Variants in HTR4 observed in about 807,000 individuals in gnomAD.
HTR4 encodes 5-hydroxytryptamine (serotonin) receptor 4, G protein-coupled.
A neutral mutation model predicts 36.8 loss-of-function variants in HTR4; 16 were observed. The ratio of observed to expected loss-of-function variants is 0.43; its 90% CI spans 0.29 to 0.66. The LOEUF is 0.66. Among genes scored for constraint, HTR4 ranks in the 30% least tolerant of loss-of-function variants. HTR4 has a pLI of 0.13. For missense variants in HTR4, 438 were observed against 490.9 expected (o/e 0.89, Z 1.02); for synonymous variants, 189 against 185.1 (o/e 1.02, Z -0.17).
At chr5:148,543,551 A>G (rs891962) in intron 4 of HTR4, among the ~76,000 whole-genome samples, 80,601 of 152,014 alleles carry the variant, frequency 0.53, 23,392 homozygotes, top group African/African-American at 0.78. Context: ...TATTCAAATA[A>G]GTCTGCTTAT....
intron 2 of HTR4, among the ~76,000 whole-genome samples, chr5:148,571,210 T>G (rs951630130): frequency 6.6e-6 from 1 of 152,138 alleles, no homozygotes; most frequent in Non-Finnish European, 1.5e-5. Flanking sequence ...AAAAGAATCT[T>G]GCATGGTAAT....
At chr5:148,638,322 C>G (rs1753617713) in intron 1 of HTR4, among the ~76,000 whole-genome samples, 1 of 152,192 alleles carries the variant, frequency 6.6e-6, no homozygotes, top group Non-Finnish European at 1.5e-5. Context: ...TAGCTCTGTC[C>G]ACATCTGTCT....
intron 2 of HTR4, among the ~76,000 whole-genome samples, chr5:148,580,613 A>T (rs7707038): frequency 0.24 from 36,494 of 152,030 alleles, 5,763 homozygotes; most frequent in African/African-American, 0.45. Flanking sequence ...TTAAAACGAA[A>T]CATACAATAT....
intron 5 of HTR4, among the ~76,000 whole-genome samples, chr5:148,515,640 G>T (rs1263848702): frequency 6.6e-6 from 1 of 151,996 alleles, no homozygotes; most frequent in East Asian, 1.9e-4. Flanking sequence ...TCATTCCATT[G>T]TCTTCTCACT....
At chr5:148,526,804 A>G (rs1400508422) in intron 4 of HTR4, among the ~76,000 whole-genome samples, 1 of 152,158 alleles carries the variant, frequency 6.6e-6, no homozygotes, top group Non-Finnish European at 1.5e-5. Flanking sequence ...GTTGTCCCTC[A>G]TGTGAGGGAG....
intron 6 of HTR4, among the ~76,000 whole-genome samples, chr5:148,504,981 C>G (rs552415673): frequency 1.4e-4 from 22 of 152,278 alleles, no homozygotes; most frequent in Middle Eastern, 3.4e-3. Context: ...ATAACAGGTT[C>G]TGAAATTGAG....
chr5:148,459,929 G>A (rs907443184), intron 5 of HTR4, among the ~76,000 whole-genome samples: 16 of 152,218 alleles, frequency 1.1e-4, no homozygotes, highest in Admixed American at 7.2e-4. Context: ...GATGAGTAAC[G>A]TAAGCAATGA....
chr5:148,573,452 C>T (rs4374750), intron 2 of HTR4, among the ~76,000 whole-genome samples: 4,727 of 152,142 alleles, frequency 0.031, 118 homozygotes, highest in South Asian at 0.097. Context: ...GTCACCATCT[C>T]AAATGTTCCC....
chr5:148,521,951 T>C (rs1260222870), intron 5 of HTR4, among the ~76,000 whole-genome samples: 6 of 152,182 alleles, frequency 3.9e-5, no homozygotes, highest in Admixed American at 3.9e-4. Context: ...CACCCAAATC[T>C]CATCTTGAAC....
At chr5:148,573,446 C>T (rs1561627521) in intron 2 of HTR4, among the ~76,000 whole-genome samples, 1 of 152,054 alleles carries the variant, frequency 6.6e-6, no homozygotes, top group African/African-American at 2.4e-5. Context: ...GGAGTGGTCA[C>T]CATCTCAAAT....
At chr5:148,594,254 G>T (rs1283142508) in intron 2 of HTR4, among the ~76,000 whole-genome samples, 2 of 151,924 alleles carry the variant, frequency 1.3e-5, no homozygotes, top group Non-Finnish European at 2.9e-5. Context: ...TCTTAAAGGC[G>T]AACTGAGTTG....
At position 148,483,406 on chromosome 5, in the gene HTR4, C is replaced by A. The variant is rs1755988000; in HGVS notation, c.1077-113G>T. On this transcript the variant is annotated intron_variant, in intron 6 of 6. Transcript: ENST00000377888. Reference sequence around the variant, plus strand: ...CACTCTGTGCCATGCAGATGAGTAGCTATTTGGCTTCTACTTAGGAATTTC... The same window carrying A: ...CACTCTGTGCCATGCAGATGAGTAGATATTTGGCTTCTACTTAGGAATTTC... 4.4e-6 allele frequency: 4 copies of A among 917,014 alleles called. No homozygotes were observed. In the South Asian group the frequency reaches 5.9e-5, roughly 14 times the overall value. 56.8% of individuals were successfully genotyped at this position (917,014 alleles called of 1,614,324 possible). A position where few individuals can be genotyped will look rare whatever the true frequency, so the allele number is the denominator to read the frequency against.
At chr5:148,527,403 A>T (rs978553252) in intron 4 of HTR4, among the ~76,000 whole-genome samples, 17 of 152,164 alleles carry the variant, frequency 1.1e-4, no homozygotes, top group Admixed American at 2.6e-4. Context: ...TAGCTTGCCC[A>T]GGGCTATTGC....
At chr5:148,636,142 T>C (rs1175867417) in intron 2 of HTR4, among the ~76,000 whole-genome samples, 1 of 152,170 alleles carries the variant, frequency 6.6e-6, no homozygotes, top group East Asian at 1.9e-4. Context: ...CAAGTCATAT[T>C]ACACTAGAGT....
intron 1 of HTR4, among the ~76,000 whole-genome samples, chr5:148,650,772 T>A (rs1754011563): frequency 6.6e-6 from 1 of 152,200 alleles, no homozygotes; most frequent in Non-Finnish European, 1.5e-5. Context: ...TATTTCTGAA[T>A]AACAGAGAGG....
At chr5:148,469,092 C>G (rs540500608) in intron 5 of HTR4, among the ~76,000 whole-genome samples, 2 of 151,918 alleles carry the variant, frequency 1.3e-5, no homozygotes, top group Admixed American at 6.6e-5. Context: ...GTGAAATGGA[C>G]GAATACACTT....
At chr5:148,635,002 T>C (rs1753478288) in intron 2 of HTR4, among the ~76,000 whole-genome samples, 1 of 152,166 alleles carries the variant, frequency 6.6e-6, no homozygotes, top group African/African-American at 2.4e-5. Flanking sequence ...ATTTGCATAA[T>C]ACCCTTGTGA....
At chr5:148,635,176 C>T (rs1477797960) in intron 2 of HTR4, among the ~76,000 whole-genome samples, 1 of 152,080 alleles carries the variant, frequency 6.6e-6, no homozygotes, top group Non-Finnish European at 1.5e-5. Flanking sequence ...TCAAAATAAA[C>T]ATTTGATTTT....
At chr5:148,458,242 G>C (rs1185706225) in intron 5 of HTR4, among the ~76,000 whole-genome samples, 2 of 150,856 alleles carry the variant, frequency 1.3e-5, no homozygotes. Flanking sequence ...CCCTAAGGCA[G>C]TTTCACAAAA....
Sources: allele counts gnomAD v4.1 joint callset (sites outside exome capture counted in the v4.1 genomes callset), GRCh38; gene constraint gnomAD v4.1.1; transcripts MANE v1.5; gene names NCBI Gene and HGNC (gene_info 2026-07-23, HGNC 2026-07-21).